AGMO: variants seen among roughly 807,000 people sequenced by gnomAD.
The protein encoded by AGMO is alkylglycerol monooxygenase, also known as glyceryl-ether monooxygenase.
Under a neutral mutation model 60.2 loss-of-function variants are expected in AGMO, and 75 were observed. The ratio of observed to expected loss-of-function variants is 1.25; its 90% CI spans 1.03 to 1.51. The LOEUF (loss-of-function observed/expected upper bound fraction) is 1.51, where lower values mean the gene tolerates loss of function less well. Ranked by LOEUF, AGMO falls within the 40% of genes most tolerant of loss-of-function variation. The pLI is 0.00. For missense variants in AGMO, 763 were observed against 525.5 expected, an observed-to-expected ratio of 1.45 and a Z score of -4.42; for synonymous variants, 261 against 177.1, an observed-to-expected ratio of 1.47 and a Z score of -3.76.
At chr7:15,402,837 CAA>C (rs1446949087) in intron 5 of AGMO, among the ~76,000 whole-genome samples, 1 of 151,530 alleles carries the variant, frequency 6.6e-6, no homozygotes, top group Non-Finnish European at 1.5e-5. Flanking sequence ...ATTTGCATAA[CAA>C]GAGAGCAAGA....
chr7:15,486,970 GCA>G (rs1487152593), intron 3 of AGMO, among the ~76,000 whole-genome samples: 1 of 152,088 alleles, frequency 6.6e-6, no homozygotes, highest in Non-Finnish European at 1.5e-5. Flanking sequence ...ACCAACAGGC[GCA>G]TCCTCCACCC....
chr7:15,300,568 G>C (rs1784537178), intron 12 of AGMO, among the ~76,000 whole-genome samples: 1 of 152,066 alleles, frequency 6.6e-6, no homozygotes, highest in Non-Finnish European at 1.5e-5. Context: ...TGAAAGCACA[G>C]AAATAACCTT....
At position 15,357,440 on chromosome 7, in the gene AGMO, T is replaced by C. The variant is rs181151053; in HGVS notation, c.1263+8074A>G. Among the ~76,000 whole-genome samples the C allele has an allele frequency of 7.2e-5, 11 of 152,206 alleles. No homozygotes were observed. The East Asian group carries it at 1.9e-3, about 27-fold the overall frequency. On this transcript the variant is annotated intron_variant, in intron 12 of 12. Coordinates refer to ENST00000342526, the MANE Select transcript of AGMO (RefSeq NM_001004320.2). Reference sequence around the variant, plus strand: ...AGTAATAAATAAAACCTCAGCGTGGTAGACGGATAAAAGGCCATAAATTTA... The same window carrying C: ...AGTAATAAATAAAACCTCAGCGTGGCAGACGGATAAAAGGCCATAAATTTA...
chr7:15,223,392 C>G (rs1261308117), intron 12 of AGMO, among the ~76,000 whole-genome samples: 1 of 151,686 alleles, frequency 6.6e-6, no homozygotes, highest in Non-Finnish European at 1.5e-5. Context: ...CTCCTTTATC[C>G]TTATAAAAAT....
At chr7:15,332,227 T>A (rs888602641) in intron 12 of AGMO, among the ~76,000 whole-genome samples, 3 of 152,186 alleles carry the variant, frequency 2.0e-5, no homozygotes, top group Non-Finnish European at 4.4e-5. Flanking sequence ...TGGTGTTGAC[T>A]AATACATACC....
chr7:15,411,090 G>T lies in AGMO; in HGVS notation c.609+7468C>A, dbSNP rs144910610. 3.6e-3 allele frequency among the ~76,000 whole-genome samples: 545 copies of T among 151,986 alleles called. 2 individuals are homozygous for T. The highest frequency in any genetic ancestry group is 0.012 in the African/African-American group (516 of 41,488). On this transcript the variant is annotated intron_variant, in intron 5 of 12. Transcript: ENST00000342526. ...CCTAAATGGGGAGTGAGTTAGTTAT[G>T]TGAAGAATGGGCTCCTGATAAAAGG...
chr7:15,372,920 C>A (rs1418313527), intron 10 of AGMO, among the ~76,000 whole-genome samples: 1 of 152,060 alleles, frequency 6.6e-6, no homozygotes, highest in Non-Finnish European at 1.5e-5. Flanking sequence ...AGATCATAAC[C>A]ATAAATAGCT....
intron 3 of AGMO, among the ~76,000 whole-genome samples, chr7:15,533,417 G>A (rs977915280): frequency 2.0e-5 from 3 of 151,992 alleles, no homozygotes; most frequent in African/African-American, 4.8e-5. Flanking sequence ...ATGATTGCCT[G>A]TACTATTCAT....
At chr7:15,365,750 C>T in intron 11 of AGMO, 131 bp from the exon 12 acceptor site, 1 of 663,658 alleles carries the variant, frequency 1.5e-6, no homozygotes, top group Non-Finnish European at 2.5e-6. Context: ...AGCATGTCCC[C>T]TGAAGCAATT....
At chr7:15,365,220 G>A (rs1008214265) in intron 12 of AGMO, among the ~76,000 whole-genome samples, 1 of 151,578 alleles carries the variant, frequency 6.6e-6, no homozygotes, top group Admixed American at 6.6e-5. Context: ...CACTTCTTGA[G>A]AACCTACTAC....
At chr7:15,369,158 CAATT>C (rs1228825230) in intron 10 of AGMO, among the ~76,000 whole-genome samples, 5 of 151,990 alleles carry the variant, frequency 3.3e-5, no homozygotes, top group African/African-American at 1.2e-4. Context: ...ACAAACAGCA[CAATT>C]AATACCCTAT....
At chr7:15,211,447 A>G (rs1184902865) in intron 12 of AGMO, among the ~76,000 whole-genome samples, 1 of 152,008 alleles carries the variant, frequency 6.6e-6, no homozygotes, top group Non-Finnish European at 1.5e-5. Context: ...GGAAAATAGA[A>G]TTCTGCAAAG....
intron 10 of AGMO, among the ~76,000 whole-genome samples, chr7:15,384,649 T>C (rs555293700): frequency 2.0e-5 from 3 of 152,212 alleles, no homozygotes; most frequent in South Asian, 4.2e-4. Context: ...GCTTACTTTA[T>C]TGGTAACAAG....
chr7:15,464,753 C>T (rs1365762569), intron 3 of AGMO, among the ~76,000 whole-genome samples: 1 of 152,182 alleles, frequency 6.6e-6, no homozygotes, highest in Non-Finnish European at 1.5e-5. Flanking sequence ...TGAGCACAGG[C>T]TTTCTTCCTA....
chr7:15,315,474 A>T (rs1780897058), intron 12 of AGMO, among the ~76,000 whole-genome samples: 1 of 150,788 alleles, frequency 6.6e-6, no homozygotes, highest in African/African-American at 2.4e-5. Flanking sequence ...AGTAGCTGGG[A>T]TTACAGGCAT....
chr7:15,555,989 C>T (rs1030281096), intron 2 of AGMO, among the ~76,000 whole-genome samples: 8 of 151,734 alleles, frequency 5.3e-5, no homozygotes, highest in African/African-American at 1.7e-4. Context: ...CTATTATTAA[C>T]GTTACACAGA....
chr7:15,471,170 T>A (rs1362405419), intron 3 of AGMO, among the ~76,000 whole-genome samples: 1 of 152,072 alleles, frequency 6.6e-6, no homozygotes, highest in South Asian at 2.1e-4. Flanking sequence ...TTCCATTTCC[T>A]CTATCATGCT....
chr7:15,354,459 CACGTGT>C (rs1782422384), intron 12 of AGMO, among the ~76,000 whole-genome samples: 1 of 16,860 alleles, frequency 5.9e-5, no homozygotes, highest in African/African-American at 3.6e-4. Context: ...TGTGTATACA[CACGTGT>C]GTGTATACAC....
At chr7:15,302,588 T>C (rs1236702734) in intron 12 of AGMO, among the ~76,000 whole-genome samples, 1 of 152,152 alleles carries the variant, frequency 6.6e-6, no homozygotes, top group Non-Finnish European at 1.5e-5. Context: ...AAAAAATACA[T>C]AAATCAAGGA....
Sources: allele counts gnomAD v4.1 joint callset (sites outside exome capture counted in the v4.1 genomes callset), GRCh38; gene constraint gnomAD v4.1.1; transcripts MANE v1.5; gene names NCBI Gene and HGNC (gene_info 2026-07-23, HGNC 2026-07-21).